ZNF536: variants seen among roughly 807,000 people sequenced by gnomAD.
ZNF536 encodes the protein zinc finger protein 536.
Under a neutral mutation model 84.5 loss-of-function variants are expected in ZNF536, and 13 were observed. That is an observed-to-expected ratio of 0.15 (90% confidence interval 0.10 to 0.24). The LOEUF is 0.24. Among genes scored for constraint, ZNF536 ranks in the 10% least tolerant of loss-of-function variants. The pLI is 1.00. For missense variants in ZNF536, 1,536 were observed against 1,747.5 expected, an observed-to-expected ratio of 0.88 and a Z score of 2.16; for synonymous variants, 811 against 742.5, an observed-to-expected ratio of 1.09 and a Z score of -1.50.
chr19:30,700,197 T>TTTTCTTTCCTTCTTTCTCTCC (rs1555843278), intron 1 of ZNF536, among the ~76,000 whole-genome samples: 1 of 131,626 alleles, frequency 7.6e-6, no homozygotes, highest in Admixed American at 7.5e-5. Flanking sequence ...TCCTTCTTTC[T>TTTTCTTTCCTTCTTTCTCTCC]TTCCTTCTTT....
At chr19:30,615,188 G>A (rs187023595) in intron 1 of ZNF536, among the ~76,000 whole-genome samples, 10 of 149,308 alleles carry the variant, frequency 6.7e-5, no homozygotes, top group South Asian at 4.3e-4. Context: ...CTCGTGATCC[G>A]CCCGTCTCGG....
intron 2 of ZNF536, among the ~76,000 whole-genome samples, chr19:30,502,052 A>G (rs1173831443): frequency 1.3e-5 from 2 of 152,208 alleles, no homozygotes; most frequent in Non-Finnish European, 2.9e-5. Flanking sequence ...TTTACTCAGT[A>G]AGTAATGTAG....
chr19:30,431,605 A>T (rs1191568230), intron 1 of ZNF536, among the ~76,000 whole-genome samples: 1 of 152,240 alleles, frequency 6.6e-6, no homozygotes, highest in Admixed American at 6.5e-5. Context: ...ACCGAATCAA[A>T]TCTGAGGCCT....
At chr19:30,520,327 G>C (rs1471681354) in intron 2 of ZNF536, among the ~76,000 whole-genome samples, 1 of 152,198 alleles carries the variant, frequency 6.6e-6, no homozygotes, top group Non-Finnish European at 1.5e-5. Context: ...CAAGCCCCCA[G>C]CGTGTAGGAC....
rs550497850 is a variant in ZNF536, at chr19:30,271,217, T to A, written c.-189-12855T>A. Among the ~76,000 whole-genome samples, 22 of 151,298 alleles carry A rather than the reference T, an allele frequency of 1.5e-4. No homozygotes were observed. In the South Asian group the frequency reaches 4.0e-3, roughly 28 times the overall value. On this transcript the variant is annotated intron_variant, in intron 1 of 5. Coordinates refer to the ZNF536 transcript ENST00000585628. ...GCCTGGCTTCCTGGTGGTCTTTCTGTGCCCTGTGTTTGCACACCCTGTACT... is the reference window on the plus strand; with the variant it reads ...GCCTGGCTTCCTGGTGGTCTTTCTGAGCCCTGTGTTTGCACACCCTGTACT...
At chr19:30,611,191 G>A (rs1281524642) in intron 1 of ZNF536, among the ~76,000 whole-genome samples, 1 of 152,136 alleles carries the variant, frequency 6.6e-6, no homozygotes, top group African/African-American at 2.4e-5. Context: ...TGACATTGCA[G>A]GGCATCTATC....
chr19:30,614,143 G>A (rs1441317694), intron 1 of ZNF536, among the ~76,000 whole-genome samples: 1 of 152,174 alleles, frequency 6.6e-6, no homozygotes, highest in Non-Finnish European at 1.5e-5. Flanking sequence ...GATTACAGAC[G>A]TGAGCCACTG....
At chr19:30,276,543 T>C (rs969827201) in intron 1 of ZNF536, among the ~76,000 whole-genome samples, 4 of 152,202 alleles carry the variant, frequency 2.6e-5, no homozygotes, top group African/African-American at 9.7e-5. Context: ...TAGTTTTTTT[T>C]AAATTTTGAT....
intron 2 of ZNF536, among the ~76,000 whole-genome samples, chr19:30,469,361 G>A (rs780562786): frequency 2.5e-4 from 38 of 152,052 alleles, no homozygotes; most frequent in Non-Finnish European, 5.1e-4. Context: ...GCAGTGAGCC[G>A]AGATCGTGCC....
At chr19:30,670,709 A>G (rs1381415483) in intron 1 of ZNF536, among the ~76,000 whole-genome samples, 1 of 152,064 alleles carries the variant, frequency 6.6e-6, no homozygotes, top group African/African-American at 2.4e-5. Flanking sequence ...TTCCCCAGAG[A>G]CGCCTTTCCG....
At chr19:30,663,944 C>T (rs946439903) in intron 1 of ZNF536, among the ~76,000 whole-genome samples, 2 of 152,130 alleles carry the variant, frequency 1.3e-5, no homozygotes, top group Admixed American at 6.5e-5. Flanking sequence ...ACAGGTTTAC[C>T]GTCCTAGGTC....
At chr19:30,708,524 C>A (rs1224024944) in intron 1 of ZNF536, among the ~76,000 whole-genome samples, 1 of 152,184 alleles carries the variant, frequency 6.6e-6, no homozygotes, top group African/African-American at 2.4e-5. Flanking sequence ...GCTCTGTTGT[C>A]CCTGGGGAGG....
chr19:30,415,086 C>CTCTTCCTCCTTCTCCT (rs1310226134), intron 1 of ZNF536, among the ~76,000 whole-genome samples: 7 of 149,948 alleles, frequency 4.7e-5, no homozygotes, highest in Non-Finnish European at 1.0e-4. Flanking sequence ...TCCTCCTGCT[C>CTCTTCCTCCTTCTCCT]TCTTCCTCCT....
At chr19:30,508,906 C>T (rs2145480479) in intron 2 of ZNF536, among the ~76,000 whole-genome samples, 1 of 144,686 alleles carries the variant, frequency 6.9e-6, no homozygotes, top group South Asian at 2.2e-4. Flanking sequence ...TGGCTCACTG[C>T]AGCCTTGACC....
chr19:30,520,165 G>A (rs534419085), intron 2 of ZNF536, among the ~76,000 whole-genome samples: 1 of 152,318 alleles, frequency 6.6e-6, no homozygotes, highest in South Asian at 2.1e-4. Flanking sequence ...AGTAGGGCCA[G>A]CTCTGGGATT....
At chr19:30,654,876 C>T (rs549770125) in intron 1 of ZNF536, among the ~76,000 whole-genome samples, 3 of 151,332 alleles carry the variant, frequency 2.0e-5, no homozygotes, top group African/African-American at 4.9e-5. Context: ...GTGCTTACAG[C>T]GTTGACTTTC....
intron 1 of ZNF536, among the ~76,000 whole-genome samples, chr19:30,246,788 T>C (rs969155666): frequency 6.6e-5 from 10 of 152,262 alleles, no homozygotes; most frequent in African/African-American, 2.4e-4. Context: ...GCTAGCTTTT[T>C]TCTTTTTCAA....
intron 2 of ZNF536, among the ~76,000 whole-genome samples, chr19:30,532,503 T>C (rs1348414861): frequency 1.3e-5 from 2 of 152,250 alleles, no homozygotes; most frequent in Non-Finnish European, 2.9e-5. Flanking sequence ...ACCTTAGTCC[T>C]GCTTATAATT....
chr19:30,481,252 A>G (rs2054074622), intron 2 of ZNF536, among the ~76,000 whole-genome samples: 1 of 152,240 alleles, frequency 6.6e-6, no homozygotes, highest in Admixed American at 6.5e-5. Context: ...ATGTGTGTGT[A>G]TACATGTACT....
Sources: allele counts gnomAD v4.1 joint callset (sites outside exome capture counted in the v4.1 genomes callset), GRCh38; gene constraint gnomAD v4.1.1; transcripts MANE v1.5; gene names NCBI Gene and HGNC (gene_info 2026-07-23, HGNC 2026-07-21).